Variants in CEP20 observed in about 807,000 individuals in gnomAD.
CEP20 encodes the protein centrosomal protein 20, also known as FGFR1OP N-terminal like.
A neutral mutation model predicts 20.0 loss-of-function variants in CEP20; 18 were observed. That is an observed-to-expected ratio of 0.90 (90% CI 0.62 to 1.34). The LOEUF (loss-of-function observed/expected upper bound fraction) is 1.34, where lower values mean the gene tolerates loss of function less well. Ranked by LOEUF, CEP20 falls within the 40% of genes most tolerant of loss-of-function variation. CEP20 has a pLI of 0.00. For missense variants in CEP20, 215 were observed against 201.6 expected, an observed-to-expected ratio of 1.07 and a Z score of -0.40; for synonymous variants, 77 against 73.7, an observed-to-expected ratio of 1.04 and a Z score of -0.23.
chr16:15,888,186 T>C (rs1243936356), intron 1 of CEP20, among the ~76,000 whole-genome samples: 1 of 147,358 alleles, frequency 6.8e-6, no homozygotes. Flanking sequence ...CCAATAGGGG[T>C]TGTGGGAATT....
In CEP20 at chr16:15,868,655, C is replaced by T. The variant is rs539275047; in HGVS notation, c.449-1139G>A. 3.2e-4 allele frequency among the ~76,000 whole-genome samples: 48 copies of T among 152,200 alleles called. 1 individual carries two copies. The South Asian group carries it at 9.6e-3, about 30-fold the overall frequency. On this transcript the variant is annotated intron_variant, in intron 4 of 4. Coordinates refer to ENST00000255759, the MANE Select transcript of CEP20 (RefSeq NM_144600.4). ...TAATTCTACAATGTGATTATACACACGCTTTATTAGTTCTCAGCTGCTTAT... is the reference window on the plus strand; with the variant it reads ...TAATTCTACAATGTGATTATACACATGCTTTATTAGTTCTCAGCTGCTTAT...
intron 4 of CEP20, 125 bp downstream of exon 4, chr16:15,873,366 G>A: frequency 8.6e-7 from 1 of 1,165,574 alleles, no homozygotes; most frequent in Admixed American, 2.8e-5. Context: ...ACATAGGCTA[G>A]ACATATTAGA....
chr16:15,885,367 G>C (rs72773995), intron 1 of CEP20, among the ~76,000 whole-genome samples: 28,631 of 151,416 alleles, frequency 0.19, 2,673 homozygotes, highest in African/African-American at 0.26. Context: ...AATCCACAAC[G>C]CTTTAGGGAG....
Position 15,867,529 on chromosome 16 carries a change from G to C in CEP20, c.449-13C>G. 1 of 1,583,562 alleles carries C rather than the reference G, an allele frequency of 6.3e-7. No homozygotes were observed. The highest frequency in any genetic ancestry group is 8.6e-7 in the Non-Finnish European group (1 of 1,159,428). On this transcript the variant is annotated splice_polypyrimidine_tract_variant and intron_variant, in intron 4 of 4. Coordinates refer to ENST00000255759, the MANE Select transcript of CEP20 (RefSeq NM_144600.4). ...CTTAGGTGGTCATCTGAAATGCACA[G>C]AAACCAATGTTAATACTTATCCCAA...
chr16:15,867,921 C>T (rs1192801414), intron 4 of CEP20, among the ~76,000 whole-genome samples: 4 of 136,284 alleles, frequency 2.9e-5, no homozygotes, highest in African/African-American at 1.1e-4. Context: ...TGCAGTGAGC[C>T]AAGATCGTGC....
chr16:15,888,560 G>T lies in CEP20; in HGVS notation c.26C>A (p.Ala9Asp), dbSNP rs371449713. 8.1e-6 allele frequency: 13 copies of T among 1,614,030 alleles called. No individual in the cohort carries two copies. The African/African-American group carries it at 1.7e-4, about 22-fold the overall frequency. The change falls in exon 1 of 5, where the codon GCT becomes GAT. Residue 9 changes from alanine to aspartate, a missense_variant and splice_region_variant. Coordinates refer to ENST00000255759, the MANE Select transcript of CEP20 (RefSeq NM_144600.4). MATVAELK[A>D]VLKDTLEKKG... ...GAGGCCTCCCTGCTCGCACTCACCAGCCTTCAACTCTGCCACAGTCGCCAT... is the reference window on the plus strand; with the variant it reads ...GAGGCCTCCCTGCTCGCACTCACCATCCTTCAACTCTGCCACAGTCGCCAT...
chr16:15,888,052 T>C (rs1309310195), intron 1 of CEP20, among the ~76,000 whole-genome samples: 1 of 145,260 alleles, frequency 6.9e-6, no homozygotes, highest in Non-Finnish European at 1.5e-5. Context: ...CACTCCAGCC[T>C]GGGCGACAGA....
chr16:15,874,750 A>G (rs1050749023), intron 3 of CEP20, among the ~76,000 whole-genome samples: 1 of 152,172 alleles, frequency 6.6e-6, no homozygotes, highest in Non-Finnish European at 1.5e-5. Flanking sequence ...GCTCCCTTCC[A>G]AAGATGGAAT....
At chr16:15,872,453 T>G (rs2044844948) in intron 4 of CEP20, among the ~76,000 whole-genome samples, 1 of 152,142 alleles carries the variant, frequency 6.6e-6, no homozygotes, top group African/African-American at 2.4e-5. Flanking sequence ...CTCGTGCCTG[T>G]AACCCCCACA....
chr16:15,884,514 T>G (rs1227207180), intron 1 of CEP20, among the ~76,000 whole-genome samples: 1 of 151,044 alleles, frequency 6.6e-6, no homozygotes, highest in African/African-American at 2.4e-5. Flanking sequence ...ATTTATTATT[T>G]TTTTTGAGAC....
chr16:15,883,918 G>A (rs1038959614), intron 2 of CEP20, 90 bp downstream of exon 2: 1 of 1,151,104 alleles, frequency 8.7e-7, no homozygotes, highest in Non-Finnish European at 1.2e-6. Flanking sequence ...GCACTATCTG[G>A]TAAGGGAATT....
chr16:15,887,883 C>A (rs2045281852), intron 1 of CEP20, among the ~76,000 whole-genome samples: 1 of 151,708 alleles, frequency 6.6e-6, no homozygotes, highest in Non-Finnish European at 1.5e-5. Context: ...TAGCTTGAGA[C>A]CAGGAGTTCG....
chr16:15,869,310 C>CTTTTT (rs11351295), intron 4 of CEP20, among the ~76,000 whole-genome samples: 1 of 118,186 alleles, frequency 8.5e-6, no homozygotes, highest in Non-Finnish European at 1.7e-5. Flanking sequence ...TCTTTCTTTC[C>CTTTTT]TTTTTTTTTT....
chr16:15,874,737 G>A (rs56275653), intron 3 of CEP20, among the ~76,000 whole-genome samples: 16,464 of 152,058 alleles, frequency 0.11, 1,206 homozygotes, highest in East Asian at 0.4. Context: ...TTTACAGTAC[G>A]ACGCTCCCTT....
In CEP20 at chr16:15,888,538, G is replaced by A. The variant is rs572715049; in HGVS notation, c.28+20C>T. 669 of 1,614,078 alleles carry A rather than the reference G, an allele frequency of 4.1e-4. 9 individuals are homozygous for A. In the South Asian group the frequency reaches 6.8e-3, roughly 17 times the overall value. On this transcript the variant is annotated intron_variant, in intron 1 of 4. Coordinates refer to ENST00000255759, the MANE Select transcript of CEP20 (RefSeq NM_144600.4). ...AAGGCCCGACGCTTCCCATGTGGAG[G>A]CCTCCCTGCTCGCACTCACCAGCCT...
intron 3 of CEP20, among the ~76,000 whole-genome samples, chr16:15,877,505 G>A (rs1013453764): frequency 2.0e-5 from 3 of 152,138 alleles, no homozygotes; most frequent in African/African-American, 7.2e-5. Flanking sequence ...AGTGGCTCAT[G>A]CCTGTAATCC....
chr16:15,884,671 C>G (rs1159255432), intron 1 of CEP20, among the ~76,000 whole-genome samples: 1 of 151,936 alleles, frequency 6.6e-6, no homozygotes, highest in African/African-American at 2.4e-5. Flanking sequence ...CCAACTATTT[C>G]TTTTTTGTAT....
chr16:15,887,483 A>C (rs868168481), intron 1 of CEP20, among the ~76,000 whole-genome samples: 42 of 152,228 alleles, frequency 2.8e-4, no homozygotes, highest in African/African-American at 1.0e-3. Context: ...CTGGCGCTCC[A>C]GTGCGTCACA....
chr16:15,883,421 G>A (rs1299813504), intron 2 of CEP20, among the ~76,000 whole-genome samples: 2 of 152,036 alleles, frequency 1.3e-5, no homozygotes, highest in Non-Finnish European at 2.9e-5. Flanking sequence ...GTGCAGTGAT[G>A]CGATCATGGC....
Sources: allele counts gnomAD v4.1 joint callset (sites outside exome capture counted in the v4.1 genomes callset), GRCh38; gene constraint gnomAD v4.1.1; transcripts MANE v1.5; gene names NCBI Gene and HGNC (gene_info 2026-07-23, HGNC 2026-07-21).